The following CAMK2A variants were observed in gnomAD, a reference collection of about 807,000 sequenced individuals.
The protein encoded by CAMK2A is calcium/calmodulin-dependent protein kinase type II subunit alpha.
Under a neutral mutation model 79.2 loss-of-function variants are expected in CAMK2A, and 7 were observed. The ratio of observed to expected loss-of-function variants is 0.09; its 90% confidence interval spans 0.05 to 0.17. The LOEUF (loss-of-function observed/expected upper bound fraction) is 0.17, where lower values mean the gene tolerates loss of function less well. Ranked by LOEUF, CAMK2A falls within the 10% of genes least tolerant of loss-of-function variation. The pLI is 1.00. For synonymous variants in CAMK2A, 242 were observed against 251.7 expected, an observed-to-expected ratio of 0.96 and a Z score of 0.36; for missense variants, 214 against 646.4, an observed-to-expected ratio of 0.33 and a Z score of 7.25.
intron 2 of CAMK2A, among the ~76,000 whole-genome samples, chr5:150,269,994 G>A (rs1756674194): frequency 6.6e-6 from 1 of 152,174 alleles, no homozygotes; most frequent in South Asian, 2.1e-4. Context: ...TCGAGCTGGA[G>A]AGTGGGGCCT....
intron 13 of CAMK2A, among the ~76,000 whole-genome samples, chr5:150,242,678 C>G (rs959197389): frequency 3.9e-5 from 6 of 152,120 alleles, no homozygotes; most frequent in Admixed American, 3.3e-4. Context: ...CCTGGGTCAC[C>G]CAGGGGGAGA....
At chr5:150,282,892 T>G (rs1302118805) in intron 1 of CAMK2A, among the ~76,000 whole-genome samples, 1 of 152,266 alleles carries the variant, frequency 6.6e-6, no homozygotes, top group Admixed American at 6.5e-5. Flanking sequence ...CACAGCCAGC[T>G]GTGGGATGCA....
At position 150,252,070 on chromosome 5, in the gene CAMK2A, T is replaced by A. The variant is rs1755861500; in HGVS notation, c.515-5A>T. 6.2e-7 allele frequency: 1 copy of A among 1,610,614 alleles called. No homozygotes were observed. Among genetic ancestry groups the A allele is most frequent in the South Asian group, 1.1e-5 (1 of 90,932 alleles). ...ATCCAGGAGTCCCTGCAAACCCTGC[T>A]CCCAGACACACAGACAGGCAGACAC... On this transcript the variant is annotated splice_region_variant and splice_polypyrimidine_tract_variant and intron_variant, in intron 7 of 18. Transcript: ENST00000671881.
At position 150,222,405 on chromosome 5, in the gene CAMK2A, T is replaced by TCAGGCGGA. The variant is rs1262925805; in HGVS notation, c.*297_*304dup. ...ATTCTAGCCTACAGCCCAAGACAGA[T>TCAGGCGGA]CAGGCGGACAGCAGCTGAGGCTGGG... On this transcript the variant is annotated 3_prime_UTR_variant, in exon 19 of 19. Coordinates refer to ENST00000671881, the MANE Select transcript of CAMK2A (RefSeq NM_015981.4). The TCAGGCGGA allele has an allele frequency of 1.5e-6, 1 of 668,932 alleles. No individual in the cohort carries two copies. The highest frequency in any genetic ancestry group is 1.8e-5 in the African/African-American group (1 of 56,688). The allele number at this position is 668,932 out of a possible 1,614,324, so 41.4% of individuals were successfully genotyped here. A position where few individuals can be genotyped will look rare whatever the true frequency, so the allele number is the denominator to read the frequency against.
At chr5:150,286,384 G>C (rs1006411841) in intron 1 of CAMK2A, among the ~76,000 whole-genome samples, 1 of 152,222 alleles carries the variant, frequency 6.6e-6, no homozygotes, top group Non-Finnish European at 1.5e-5. Context: ...ACCAGGGCTG[G>C]AGAAGAGCAG....
At chr5:150,286,075 C>T (rs1375814823) in intron 1 of CAMK2A, among the ~76,000 whole-genome samples, 1 of 152,102 alleles carries the variant, frequency 6.6e-6, no homozygotes, top group African/African-American at 2.4e-5. Context: ...CACTTCAGTC[C>T]ACACTGAACC....
At chr5:150,253,720 A>AG (rs1755934483) in intron 6 of CAMK2A, among the ~76,000 whole-genome samples, 174 bp from the exon 7 acceptor site, 1 of 152,142 alleles carries the variant, frequency 6.6e-6, no homozygotes, top group Non-Finnish European at 1.5e-5. Flanking sequence ...GTCCCCAGAG[A>AG]GGGGACTATC....
In CAMK2A at chr5:150,222,651, A is replaced by T; in HGVS notation, c.*59T>A. 6.3e-7 allele frequency: 1 copy of T among 1,599,982 alleles called. No homozygotes were observed. Among genetic ancestry groups the T allele is most frequent in the Non-Finnish European group, 8.6e-7 (1 of 1,167,948 alleles). ...TCCACCTGGGAGAACCAGCAGCTCC[A>T]CTCCACGGACAGAGTGGATCTCTGC... On this transcript the variant is annotated 3_prime_UTR_variant, in exon 19 of 19. Coordinates refer to ENST00000671881, the MANE Select transcript of CAMK2A (RefSeq NM_015981.4).
chr5:150,227,994 A>C (rs1389762326), intron 17 of CAMK2A, among the ~76,000 whole-genome samples, 198 bp downstream of exon 17: 1 of 152,106 alleles, frequency 6.6e-6, no homozygotes, highest in Non-Finnish European at 1.5e-5. Flanking sequence ...CTTCAACCAC[A>C]GGAGGGGCAG....
intron 17 of CAMK2A, among the ~76,000 whole-genome samples, chr5:150,226,989 C>T (rs1754632725): frequency 6.6e-6 from 1 of 151,700 alleles, no homozygotes; most frequent in East Asian, 2.0e-4. Flanking sequence ...CCAGGCTGGT[C>T]TCAAACTCCT....
chr5:150,256,674 G>T lies in CAMK2A; in HGVS notation c.339-29C>A, dbSNP rs372892648. 526 of 1,611,478 alleles carry T rather than the reference G, an allele frequency of 3.3e-4. No homozygotes were observed. Among genetic ancestry groups the T allele is most frequent in the Non-Finnish European group, 3.5e-4 (411 of 1,177,768 alleles). On this transcript the variant is annotated intron_variant, in intron 5 of 18. Transcript: ENST00000671881. The surrounding 1 kb of genome is among the most constrained non-coding windows in gnomAD (Gnocchi z 4.6). ...GGGAGAGAGAGAGGAAGGGGTCATG[G>T]TGGTGTGAGCACAGGCCTCCCCTGG... is the stretch of plus-strand genomic sequence containing the variant.
At chr5:150,261,776 G>A (rs1341444623) in intron 3 of CAMK2A, among the ~76,000 whole-genome samples, 1 of 152,136 alleles carries the variant, frequency 6.6e-6, no homozygotes, top group African/African-American at 2.4e-5. Flanking sequence ...TGTAGCTATG[G>A]GCAAATGACT....
intron 3 of CAMK2A, among the ~76,000 whole-genome samples, chr5:150,261,200 C>T (rs1266455934): frequency 6.8e-6 from 1 of 146,388 alleles, no homozygotes; most frequent in Non-Finnish European, 1.5e-5. Context: ...AGCAGCTGGG[C>T]AAGGGGCACA....
At chr5:150,241,473 TCTC>T (rs891925829) in intron 13 of CAMK2A, among the ~76,000 whole-genome samples, 3 of 111,992 alleles carry the variant, frequency 2.7e-5, no homozygotes, top group African/African-American at 1.0e-4. Flanking sequence ...CGCCCTCCCC[TCTC>T]CTCCTTCTTC....
At chr5:150,266,257 C>A (rs141619228) in intron 2 of CAMK2A, among the ~76,000 whole-genome samples, 94 of 152,282 alleles carry the variant, frequency 6.2e-4, no homozygotes, top group African/African-American at 2.2e-3. Flanking sequence ...AACAGTGGGA[C>A]ACATGATCCT....
At chr5:150,222,866 T>C (rs1480465786) in intron 18 of CAMK2A, 123 bp downstream of exon 18, 13 of 1,380,406 alleles carry the variant, frequency 9.4e-6, no homozygotes, top group Non-Finnish European at 1.1e-5. Flanking sequence ...CTTCTTGGGG[T>C]CTCCCCACCC....
chr5:150,250,307 G>T lies in CAMK2A; in HGVS notation c.819C>A (p.His273Gln). The T allele has an allele frequency of 6.2e-7, 1 of 1,613,684 alleles. No individual in the cohort carries two copies. Among genetic ancestry groups the T allele is most frequent in the South Asian group, 1.1e-5 (1 of 91,076 alleles). Residue 273 changes from histidine to glutamine, a missense_variant and splice_region_variant, in exon 11 of 19, where the codon CAC becomes CAA. Physicochemically the swap from His to Gln is conservative, Grantham distance 24 (BLOSUM62 0). Transcript: ENST00000671881. The part of the protein sequence containing the change: ...AEALKHPWIS[H>Q]RSTVASCMHR... ...GCATGCAGGATGCCACGGTGGAGCG[G>T]TGCTGGAGGAAGTAGGGGAGAGGGC... is the stretch of plus-strand genomic sequence containing the variant.
At position 150,222,376 on chromosome 5, in the gene CAMK2A, G is replaced by A. The variant is rs549087104; in HGVS notation, c.*334C>T. 19 of 634,912 alleles carry A rather than the reference G, an allele frequency of 3.0e-5. No individual in the cohort carries two copies. The highest frequency in any genetic ancestry group is 1.3e-4 in the African/African-American group (7 of 55,636). The allele number at this position is 634,912 out of a possible 1,614,324, so 39.3% of individuals were successfully genotyped here. On this transcript the variant is annotated 3_prime_UTR_variant, in exon 19 of 19. Coordinates refer to ENST00000671881, the MANE Select transcript of CAMK2A (RefSeq NM_015981.4). ...CCCAGCCCCTGGTGGGCACCAGCCC[G>A]GGCATTCTAGCCTACAGCCCAAGAC...
chr5:150,234,376 C>A (rs1754976710), intron 15 of CAMK2A, among the ~76,000 whole-genome samples: 1 of 152,130 alleles, frequency 6.6e-6, no homozygotes, highest in African/African-American at 2.4e-5. Context: ...TCTGGCTATG[C>A]CACTTACTTA....
Sources: gnomAD v4.1 joint callset for allele counts (sites outside exome capture counted in the v4.1 genomes callset) on GRCh38, gnomAD v4.1.1 for gene constraint, Gnocchi (gnomAD v3.1) non-coding constraint, MANE v1.5 for transcripts, NCBI Gene and HGNC (gene_info 2026-07-23, HGNC 2026-07-21) for gene names.